The following TTN variants were observed in gnomAD, a reference collection of about 807,000 sequenced individuals.
TTN encodes connectin.
In TTN, 1,525 loss-of-function variants were observed where a neutral mutation model predicts 3,223.0. The observed-to-expected ratio is 0.47, with a 90% CI of 0.45 to 0.49. TTN has a LOEUF of 0.49. Among genes scored for constraint, TTN ranks in the 20% least tolerant of loss-of-function variants. The pLI, the probability that TTN is intolerant of heterozygous loss-of-function variation, is 0.00. For missense variants in TTN, 40,786 were observed against 43,424.0 expected, an observed-to-expected ratio of 0.94 and a Z score of 5.40; for synonymous variants, 14,094 against 15,161.0, an observed-to-expected ratio of 0.93 and a Z score of 5.17.
rs776159415 is a variant in TTN at position 178,681,719 on chromosome 2, A to G, written c.33114T>C (p.Pro11038=). The G allele has an allele frequency of 6.2e-7, 1 of 1,601,458 alleles. No individual in the cohort carries two copies. The highest frequency in any genetic ancestry group is 8.5e-7 in the Non-Finnish European group (1 of 1,176,846). ...EYITEPEKPI[P]VKPVPEEPVP... is the part of the protein sequence containing the mutation. ...CTGGTTCTTCTGGGACAGGCTTTAC[A>G]GGGATAGGCTTCTCTGGTTCTTTAA... Residue 11038 remains proline, a synonymous_variant, in exon 136 of 363, where the codon CCT becomes CCC. Coordinates refer to ENST00000589042, the MANE Select transcript of TTN (RefSeq NM_001267550.2).
At chr2:178,554,818 A>C in intron 331 of TTN, 47 bp downstream of exon 331, 1 of 1,611,836 alleles carries the variant, frequency 6.2e-7, no homozygotes, top group Non-Finnish European at 8.5e-7. Context: ...AAAATTACTA[A>C]GCTTTAGGCA....
At position 178,709,970 on chromosome 2, in the gene TTN, T is replaced by C. The variant is rs2076420504; in HGVS notation, c.28463-114A>G. ...TAGTTAAAAATCAAGGCTAACCAAC[T>C]AAATACACTATATCAGAATATGTTC... On this transcript the variant is annotated intron_variant, in intron 98 of 362. Coordinates refer to ENST00000589042, the MANE Select transcript of TTN (RefSeq NM_001267550.2). 3 of 981,796 alleles carry C rather than the reference T, an allele frequency of 3.1e-6. No homozygotes were observed. In the African/African-American group the frequency reaches 4.9e-5, roughly 16 times the overall value. The allele number at this position is 981,796 out of a possible 1,614,324, so 60.8% of individuals were successfully genotyped here.
rs727504967 is a variant in TTN at position 178,584,922 on chromosome 2, G to C, written c.64719C>G (p.Asp21573Glu). 6.2e-7 allele frequency: 1 copy of C among 1,613,252 alleles called. No individual in the cohort carries two copies. The highest frequency in any genetic ancestry group is 2.2e-5 in the East Asian group (1 of 44,734). The change falls in exon 310 of 363, where the codon GAC becomes GAG. Residue 21573 changes from aspartate (D) to glutamate (E), a missense_variant. Transcript: ENST00000589042. Reference protein sequence around the residue: ...PQPPFDISDIDADACSLSWHI... With the variant: ...PQPPFDISDIEADACSLSWHI... ...GCCATGACAGGGAGCAAGCATCAGC[G>C]TCTATATCAGAAATGTCAAATGGAG...
intron 282 of TTN, among the ~76,000 whole-genome samples, chr2:178,602,902 G>T (rs150224899): frequency 7.5e-4 from 114 of 152,060 alleles, no homozygotes; most frequent in South Asian, 1.7e-3. Flanking sequence ...TCCCTTTGAA[G>T]AAATTCTACA....
rs748102856 is a variant in TTN at position 178,557,107 on chromosome 2, C to T, written c.88047G>A (p.Lys29349=). The T allele has an allele frequency of 1.2e-6, 2 of 1,613,682 alleles. No individual in the cohort carries two copies. Residue 29349 remains lysine, a synonymous_variant, in exon 330 of 363, where the codon AAG becomes AAA. Coordinates refer to ENST00000589042, the MANE Select transcript of TTN (RefSeq NM_001267550.2). ...PRNVRITDIS[K]NSVSLSWQQP... is the part of the protein sequence containing the mutation. ...GTTGCCATGAAAGGCTGACAGAGTTCTTTGAAATATCAGTGATACGAACAT... is the reference window on the plus strand; with the variant it reads ...GTTGCCATGAAAGGCTGACAGAGTTTTTTGAAATATCAGTGATACGAACAT...
Position 178,684,008 on chromosome 2 carries a change from G to A in TTN, c.32797C>T (p.Pro10933Ser). Residue 10933 changes from proline to serine, a missense_variant, in exon 133 of 363, where the codon CCA (proline) becomes TCA (serine). Coordinates refer to ENST00000589042, the MANE Select transcript of TTN (RefSeq NM_001267550.2). ...KLKPKREEEP[P>S]AKVTEFRKRV... ...TTAAGAGTCAGTATACCTTTAGCTG[G>A]TGGTTCCTCCTCTCTTTTAGGTTTG... 1.3e-6 allele frequency: 2 copies of A among 1,593,986 alleles called. No individual in the cohort carries two copies. Among genetic ancestry groups the A allele is most frequent in the Non-Finnish European group, 1.7e-6 (2 of 1,172,026 alleles).
chr2:178,732,942 C>T lies in TTN; in HGVS notation c.16234G>A (p.Ala5412Thr), dbSNP rs727504442. Residue 5412 changes from alanine (A) to threonine (T), a missense_variant, in exon 55 of 363, where the codon GCC becomes ACC. Physicochemically the swap from Ala to Thr is moderately conservative, Grantham distance 58 (BLOSUM62 0). Transcript: ENST00000589042. ...TCTACTCTGATGATCTCCAAAGAGG[C>T]TGTGCCTTCCACAAATGCTATCCTG... ...RYRIAFVEGT[A>T]SLEIIRVDMN... The T allele has an allele frequency of 5.0e-6, 8 of 1,613,476 alleles. No individual in the cohort carries two copies. In the African/African-American group the frequency reaches 8.0e-5, roughly 16 times the overall value.
Position 178,559,531 on chromosome 2 carries a change from A to G in TTN, c.86601T>C (p.Asp28867=), listed in dbSNP as rs886042382. ...GTGCTCCACCATCGTTTTCAGGAAC[A>G]TCCCAGGATAACACTGCAGACTCTT... ...VTKESAVLSW[D]VPENDGGAPV... is the part of the protein sequence containing the mutation. Residue 28867 remains aspartate, a synonymous_variant, in exon 326 of 363, where the codon GAT becomes GAC. Transcript: ENST00000589042. 6.2e-7 allele frequency: 1 copy of G among 1,613,718 alleles called. No individual in the cohort carries two copies. Among genetic ancestry groups the G allele is most frequent in the African/African-American group, 1.3e-5 (1 of 74,920 alleles).
chr2:178,723,386 A>T, intron 74 of TTN, 32 bp downstream of exon 74: 1 of 1,604,728 alleles, frequency 6.2e-7, no homozygotes, highest in South Asian at 1.1e-5. Flanking sequence ...CGGTATACAG[A>T]AAACAGAAAA....
rs779157292 is a variant in TTN, at chr2:178,646,554, C to T, written c.40228G>A (p.Glu13410Lys). The T allele has an allele frequency of 1.3e-6, 2 of 1,542,830 alleles. No individual in the cohort carries two copies. The highest frequency in any genetic ancestry group is 2.0e-5 in the Admixed American group (1 of 50,848). The change falls in exon 216 of 363, where the codon GAA becomes AAA. Residue 13410 changes from glutamate to lysine, a missense_variant. Transcript: ENST00000589042. ...RKETPPVEER[E>K]IEKYIKPEEP... Reference sequence around the variant, plus strand: ...TCAGGTTTAATATACTTTTCAATTTCACGTTCTTTAAAGAATGTTGACAAA... The same window carrying T: ...TCAGGTTTAATATACTTTTCAATTTTACGTTCTTTAAAGAATGTTGACAAA...
At position 178,775,797 on chromosome 2, in the gene TTN, T is replaced by G; in HGVS notation, c.6067A>C (p.Lys2023Gln). Residue 2023 changes from lysine to glutamine, a missense_variant, in exon 28 of 363, where the codon AAG (lysine) becomes CAG (glutamine). Physicochemically the swap from Lys to Gln is moderately conservative, Grantham distance 53. Coordinates refer to ENST00000589042, the MANE Select transcript of TTN (RefSeq NM_001267550.2). Reference protein sequence around the residue: ...ITAVELKSRKKDESYEELLRK... With the variant: ...ITAVELKSRKQDESYEELLRK... Reference sequence around the variant, plus strand: ...AGGAGTTCCTCATAGGATTCATCCTTCTTTCGAGACTTGAGCTCCACAGCG... The same window carrying G: ...AGGAGTTCCTCATAGGATTCATCCTGCTTTCGAGACTTGAGCTCCACAGCG... 5 of 1,613,648 alleles carry G rather than the reference T, an allele frequency of 3.1e-6. No homozygotes were observed. Among genetic ancestry groups the G allele is most frequent in the Non-Finnish European group, 4.2e-6 (5 of 1,179,876 alleles).
At position 178,709,735 on chromosome 2, in the gene TTN, G is replaced by C. The variant is rs1313684620; in HGVS notation, c.28584C>G (p.Tyr9528Ter). The C allele has an allele frequency of 6.2e-7, 1 of 1,613,762 alleles. No homozygotes were observed. The highest frequency in any genetic ancestry group is 8.5e-7 in the Non-Finnish European group (1 of 1,179,774). ...TTGGTTGTATCTCTATATTATTTTT[G>C]TACCAGGCAACAGTTATAGGTTGGG... ...AGSQPITVAW[Y>*]KNNIEIQPTS... Residue 9528 changes from tyrosine (Y) to a stop codon, truncating the protein, a stop_gained, in exon 99 of 363, where the codon TAC (tyrosine) becomes TAG (stop). Transcript: ENST00000589042. LOFTEE classifies it high-confidence loss of function.
rs372361514 is a variant in TTN at position 178,773,500 on chromosome 2, A to G, written c.7556T>C (p.Val2519Ala). The change falls in exon 32 of 363, where the codon GTT becomes GCT. Residue 2519 changes from valine (V) to alanine (A), a missense_variant. By Grantham distance (64) the Val-to-Ala change is moderately conservative (BLOSUM62 0). Coordinates refer to ENST00000589042, the MANE Select transcript of TTN (RefSeq NM_001267550.2). ...ASDEGPYKLI[V>A]GRVETNCNLS... ...ATTACAGTTGGTTTCAACTCTGCCA[A>G]CTATCAGCTTGTAAGGTCCTTCGTC... is the stretch of plus-strand genomic sequence containing the variant. 6.2e-6 allele frequency: 10 copies of G among 1,613,924 alleles called. No homozygotes were observed. In the East Asian group the frequency reaches 1.6e-4, roughly 25 times the overall value.
rs1325209277 is a variant in TTN at position 178,697,167 on chromosome 2, C to T, written c.30756G>A (p.Glu10252=). The change falls in exon 113 of 363, where the codon GAG becomes GAA. Residue 10252 remains glutamate (E), a splice_region_variant and synonymous_variant. Coordinates refer to ENST00000589042, the MANE Select transcript of TTN (RefSeq NM_001267550.2). ...TAGGAGGTGGAGGCTTCTTGACAAT[C>T]TCTGGGAGTTTAAAAACATAAAAAT... ...AKPKEMTPRE[E]IVKKPPPPTT... 1 of 1,527,926 alleles carries T rather than the reference C, an allele frequency of 6.5e-7. No individual in the cohort carries two copies. The highest frequency in any genetic ancestry group is 2.4e-5 in the East Asian group (1 of 41,116). The allele number at this position is 1,527,926 out of a possible 1,614,324, so 94.6% of individuals were successfully genotyped here. A position where few individuals can be genotyped will look rare whatever the true frequency, so the allele number is the denominator to read the frequency against.
rs1205352955 is a variant in TTN, at chr2:178,734,342, G to A, written c.15482C>T (p.Thr5161Ile). 3 of 1,596,264 alleles carry A rather than the reference G, an allele frequency of 1.9e-6. No individual in the cohort carries two copies. Among genetic ancestry groups the A allele is most frequent in the Non-Finnish European group, 1.7e-6 (2 of 1,169,488 alleles). Residue 5161 changes from threonine (T) to isoleucine (I), a missense_variant, in exon 52 of 363, where the codon ACC (threonine) becomes ATC (isoleucine). Coordinates refer to ENST00000589042, the MANE Select transcript of TTN (RefSeq NM_001267550.2). ...NEVGKCGCMATHLLKEPPTFV... is the reference protein window; with the variant it reads ...NEVGKCGCMAIHLLKEPPTFV... ...CAAGCACTAACCTTTGAGTAAGTGG[G>A]TTGCCATGCAGCCACACTTGCCGAC...
rs1000150217 is a variant in TTN, at chr2:178,538,604, A to C, written c.99225T>G (p.Ala33075=). Residue 33075 remains alanine (A), a synonymous_variant, in exon 354 of 363, where the codon GCT becomes GCG. Coordinates refer to ENST00000589042, the MANE Select transcript of TTN (RefSeq NM_001267550.2). ...GTCTGCTCAGCCCAGTCTCATTCTC[A>C]GCAAAAACCCTGAATTCATACTCAG... is the stretch of plus-strand genomic sequence containing the variant. ...EATEYEFRVF[A]ENETGLSRPR... is the part of the protein sequence containing the mutation. 2 of 1,613,608 alleles carry C rather than the reference A, an allele frequency of 1.2e-6. No homozygotes were observed. Among genetic ancestry groups the C allele is most frequent in the African/African-American group, 2.7e-5 (2 of 74,922 alleles).
intron 157 of TTN, 120 bp from the exon 158 acceptor site, chr2:178,669,795 T>G: frequency 1.1e-6 from 1 of 942,022 alleles, no homozygotes; most frequent in East Asian, 2.4e-5. Context: ...ATAAGTCAAC[T>G]ATAAGTCAAA....
At position 178,713,195 on chromosome 2, in the gene TTN, G is replaced by A. The variant is rs777824582; in HGVS notation, c.26939C>T (p.Thr8980Ile). ...RKYQTTLTDN[T>I]CALTVNMLEE... The stretch of plus-strand genomic sequence containing the variant: ...CAGCATGTTCACAGTTAAAGCACAA[G>A]TATTATCTGTCAGGGTGGTCTGGTA... Residue 8980 changes from threonine to isoleucine, a missense_variant, in exon 93 of 363, where the codon ACT (threonine) becomes ATT (isoleucine). Transcript: ENST00000589042. 9 of 1,613,688 alleles carry A rather than the reference G, an allele frequency of 5.6e-6. No homozygotes were observed. In the South Asian group the frequency reaches 7.7e-5, roughly 14 times the overall value.
At chr2:178,747,575 T>C (rs2084028616) in intron 47 of TTN, 1 of 1,613,192 alleles carries the variant, frequency 6.2e-7, no homozygotes, top group Admixed American at 1.7e-5. Context: ...GAAAGTTACT[T>C]CTTCCACCTC....
Sources: allele counts gnomAD v4.1 joint callset (sites outside exome capture counted in the v4.1 genomes callset), GRCh38; gene constraint gnomAD v4.1.1; transcripts MANE v1.5; gene names NCBI Gene and HGNC (gene_info 2026-07-23, HGNC 2026-07-21).